Variants in PHC3 observed in about 807,000 individuals in gnomAD.
PHC3 encodes the protein polyhomeotic homolog 3.
In PHC3, 13 loss-of-function variants were observed where a neutral mutation model predicts 107.4. The ratio of observed to expected loss-of-function variants is 0.12; its 90% CI spans 0.08 to 0.19. PHC3 has a LOEUF of 0.19. Ranked by LOEUF, PHC3 falls within the 10% of genes least tolerant of loss-of-function variation. The probability of loss-of-function intolerance (pLI) is 1.00; values close to 1 mark genes in which losing one functional copy is unlikely to be tolerated. For synonymous variants in PHC3, 456 were observed against 427.4 expected, an observed-to-expected ratio of 1.07 and a Z score of -0.83; for missense variants, 992 against 1,210.9, an observed-to-expected ratio of 0.82 and a Z score of 2.68.
In PHC3 at chr3:170,172,913, C is replaced by T. The variant is rs570758328; in HGVS notation, c.181-201G>A. Among the ~76,000 whole-genome samples, 14 of 152,186 alleles carry T rather than the reference C, an allele frequency of 9.2e-5. No individual in the cohort carries two copies. In the South Asian group the frequency reaches 2.1e-3, roughly 23 times the overall value. ...TACACATTAAAACTACCCAGTGGGC[C>T]GGGCACGGTGGCTCACGCCTGTTAA... On this transcript the variant is annotated intron_variant, in intron 2 of 14. Coordinates refer to ENST00000495893, the MANE Select transcript of PHC3 (RefSeq NM_024947.4).
In PHC3 at chr3:170,181,644, G is replaced by A. The variant is rs1436087917; in HGVS notation, c.14+58C>T. 6.2e-6 allele frequency: 10 copies of A among 1,612,002 alleles called. No homozygotes were observed. The African/African-American group carries it at 1.1e-4, about 17-fold the overall frequency. On this transcript the variant is annotated intron_variant, in intron 1 of 14. Coordinates refer to ENST00000495893, the MANE Select transcript of PHC3 (RefSeq NM_024947.4). ...CCTGAGCTTTCCCCTGGGGGAACGT[G>A]TCGCTGCCCCAACTCGCCCCCCCTA...
chr3:170,102,948 G>C lies in PHC3; in HGVS notation c.2469-14C>G. 1 of 1,598,448 alleles carries C rather than the reference G, an allele frequency of 6.3e-7. No individual in the cohort carries two copies. Among genetic ancestry groups the C allele is most frequent in the Non-Finnish European group, 8.5e-7 (1 of 1,170,984 alleles). ...CTAACATTGTACCTAAGAAATTCAA[G>C]AAAGAAAAAATATTTAATGATATAT... On this transcript the variant is annotated splice_polypyrimidine_tract_variant and intron_variant, in intron 12 of 14. Coordinates refer to ENST00000495893, the MANE Select transcript of PHC3 (RefSeq NM_024947.4).
At chr3:170,141,246 T>C (rs1043828844) in intron 6 of PHC3, among the ~76,000 whole-genome samples, 1 of 152,240 alleles carries the variant, frequency 6.6e-6, no homozygotes, top group Non-Finnish European at 1.5e-5. Context: ...AATGCATAAG[T>C]GTGAGCATCA....
chr3:170,136,717 T>C (rs1723133606), intron 6 of PHC3, 52 bp from the exon 7 acceptor site: 1 of 1,571,584 alleles, frequency 6.4e-7, no homozygotes, highest in African/African-American at 1.3e-5. Context: ...TTTTAATTGA[T>C]GTGGTCATCA....
chr3:170,175,563 G>C (rs1730292033), intron 2 of PHC3, among the ~76,000 whole-genome samples: 1 of 151,710 alleles, frequency 6.6e-6, no homozygotes, highest in Non-Finnish European at 1.5e-5. Flanking sequence ...TTGAGCCCAG[G>C]GGGTCGTGAG....
chr3:170,154,105 A>G (rs539431546), intron 4 of PHC3, among the ~76,000 whole-genome samples: 28 of 152,260 alleles, frequency 1.8e-4, no homozygotes, highest in Admixed American at 1.4e-3. Context: ...CTTTTAGCAT[A>G]TATTTCTATC....
At chr3:170,126,529 T>TATATATATA (rs1491097010) in intron 8 of PHC3, among the ~76,000 whole-genome samples, 10 of 39,956 alleles carry the variant, frequency 2.5e-4, no homozygotes, top group African/African-American at 8.0e-4. Flanking sequence ...TATATATATA[T>TATATATATA]TTTTTTTTTT....
At chr3:170,113,693 TGAATG>T (rs1718312837) in intron 10 of PHC3, among the ~76,000 whole-genome samples, 174 bp from the exon 11 acceptor site, 1 of 152,210 alleles carries the variant, frequency 6.6e-6, no homozygotes, top group South Asian at 2.1e-4. Context: ...AGAGTGGACA[TGAATG>T]GTTTATTTCT....
chr3:170,139,957 G>A (rs1452451218), intron 6 of PHC3, among the ~76,000 whole-genome samples: 1 of 151,978 alleles, frequency 6.6e-6, no homozygotes, highest in Non-Finnish European at 1.5e-5. Context: ...TTTTGAAAAA[G>A]TCTACATTTT....
chr3:170,142,731 A>G (rs773270266), intron 6 of PHC3, among the ~76,000 whole-genome samples: 5 of 152,174 alleles, frequency 3.3e-5, no homozygotes, highest in African/African-American at 1.2e-4. Context: ...TTACTTTCTG[A>G]TATTTTACTG....
Position 170,178,845 on chromosome 3 carries a change from G to A in PHC3, c.108C>T (p.Ile36=), listed in dbSNP as rs1267319556. ...TTTSSTTTTT[I]TTSSSRMQQP... ...GCTGCATTCGAGAGGAGGAAGTGGT[G>A]ATGGTGGTGGTGGTGGTACTGCTGG... The change falls in exon 2 of 15, where the codon ATC becomes ATT. Residue 36 remains isoleucine (I), a synonymous_variant. Coordinates refer to ENST00000495893, the MANE Select transcript of PHC3 (RefSeq NM_024947.4). 1 of 1,614,020 alleles carries A rather than the reference G, an allele frequency of 6.2e-7. No individual in the cohort carries two copies. The highest frequency in any genetic ancestry group is 2.2e-5 in the East Asian group (1 of 44,892).
At chr3:170,145,032 T>C (rs535518958) in intron 6 of PHC3, among the ~76,000 whole-genome samples, 1 of 152,360 alleles carries the variant, frequency 6.6e-6, no homozygotes, top group South Asian at 2.1e-4. Context: ...TAAATGTGTC[T>C]AGTTTAATTC....
At chr3:170,118,922 C>A (rs1327769466) in intron 9 of PHC3, among the ~76,000 whole-genome samples, 3 of 151,558 alleles carry the variant, frequency 2.0e-5, no homozygotes, top group African/African-American at 7.3e-5. Context: ...CATGCCCAGC[C>A]TTCACAGCAG....
chr3:170,089,034 G>A lies in PHC3; in HGVS notation c.*8196C>T, dbSNP rs968781181. 1.3e-5 allele frequency: 2 copies of A among 152,176 alleles called. No individual in the cohort carries two copies. Among genetic ancestry groups the A allele is most frequent in the African/African-American group, 4.8e-5 (2 of 41,406 alleles). The allele number at this position is 152,176 out of a possible 1,614,324, so 9.4% of individuals were successfully genotyped here. ...TACAAAAAACTGGCCAGGCATAGTG[G>A]TGCATGCCAGTAATCCCAGCTACTT... On this transcript the variant is annotated 3_prime_UTR_variant, in exon 15 of 15. Coordinates refer to ENST00000495893, the MANE Select transcript of PHC3 (RefSeq NM_024947.4).
Position 170,094,744 on chromosome 3 carries a change from T to G in PHC3, c.*2486A>C, listed in dbSNP as rs1057297202. 6.6e-6 allele frequency: 1 copy of G among 152,184 alleles called. No homozygotes were observed. Among genetic ancestry groups the G allele is most frequent in the Non-Finnish European group, 1.5e-5 (1 of 68,022 alleles). The allele number at this position is 152,184 out of a possible 1,614,324, so 9.4% of individuals were successfully genotyped here. Reference sequence around the variant, plus strand: ...AGCAAGTGCATATTTTGTGTATGTTTTGAGTGGGGACAACAGAGATCTGGA... The same window carrying G: ...AGCAAGTGCATATTTTGTGTATGTTGTGAGTGGGGACAACAGAGATCTGGA... On this transcript the variant is annotated 3_prime_UTR_variant, in exon 15 of 15. Coordinates refer to ENST00000495893, the MANE Select transcript of PHC3 (RefSeq NM_024947.4).
At chr3:170,104,209 AT>A (rs1466325414) in intron 12 of PHC3, among the ~76,000 whole-genome samples, 1 of 152,228 alleles carries the variant, frequency 6.6e-6, no homozygotes, top group East Asian at 1.9e-4. Flanking sequence ...TATTATTTTG[AT>A]TTTTTTCCCA....
At chr3:170,160,914 CA>C (rs940296901) in intron 4 of PHC3, among the ~76,000 whole-genome samples, 3 of 151,396 alleles carry the variant, frequency 2.0e-5, no homozygotes, top group Non-Finnish European at 2.9e-5. Context: ...CTCAAAAAAA[CA>C]AAAAAAGAGT....
rs1236518024 is a variant in PHC3, at chr3:170,093,989, C to T, written c.*3241G>A. The T allele has an allele frequency of 6.6e-6, 1 of 152,190 alleles. No homozygotes were observed. Among genetic ancestry groups the T allele is most frequent in the Non-Finnish European group, 1.5e-5 (1 of 68,042 alleles). The allele number at this position is 152,190 out of a possible 1,614,324, so 9.4% of individuals were successfully genotyped here. On this transcript the variant is annotated 3_prime_UTR_variant, in exon 15 of 15. Coordinates refer to ENST00000495893, the MANE Select transcript of PHC3 (RefSeq NM_024947.4). ...AGCTAACAAGGATGATGGCCTCCTC[C>T]TCTGACTCTTCCCATGCTCAAGCTT...
At chr3:170,162,927 C>T (rs545474720) in intron 4 of PHC3, among the ~76,000 whole-genome samples, 2 of 152,192 alleles carry the variant, frequency 1.3e-5, no homozygotes, top group African/African-American at 4.8e-5. Flanking sequence ...CCTTTATTAA[C>T]AAGGCTTTCC....
Sources: gnomAD v4.1 joint callset for allele counts (sites outside exome capture counted in the v4.1 genomes callset) on GRCh38, gnomAD v4.1.1 for gene constraint, MANE v1.5 for transcripts, NCBI Gene and HGNC (gene_info 2026-07-23, HGNC 2026-07-21) for gene names.